DISC1: variants seen among roughly 807,000 people sequenced by gnomAD.
DISC1 encodes the protein DISC1 scaffold protein.
In DISC1, 57 loss-of-function variants were observed where a neutral mutation model predicts 84.5. The ratio of observed to expected loss-of-function variants is 0.67; its 90% CI spans 0.55 to 0.84. The LOEUF (loss-of-function observed/expected upper bound fraction) is 0.84. Among genes scored for constraint, DISC1 ranks in the 40% least tolerant of loss-of-function variants. The probability of loss-of-function intolerance (pLI) is 0.00; values close to 1 mark genes in which losing one functional copy is unlikely to be tolerated. For synonymous variants in DISC1, 411 were observed against 415.2 expected, an observed-to-expected ratio of 0.99 and a Z score of 0.12; for missense variants, 1,000 against 1,057.8, an observed-to-expected ratio of 0.95 and a Z score of 0.76.
chr1:231,666,572 T>C (rs1018563001), intron 1 of DISC1, among the ~76,000 whole-genome samples: 1 of 152,126 alleles, frequency 6.6e-6, no homozygotes, highest in African/African-American at 2.4e-5. Flanking sequence ...TAACAAATAA[T>C]GGTATGATGC....
intron 3 of DISC1, among the ~76,000 whole-genome samples, chr1:231,742,411 T>G (rs1275639173): frequency 1.3e-5 from 2 of 152,108 alleles, no homozygotes; most frequent in Non-Finnish European, 2.9e-5. Context: ...ATTTAGAAAT[T>G]GGAGATCATC....
At chr1:231,762,082 C>CTTTCTCT (rs1435999439) in intron 4 of DISC1, among the ~76,000 whole-genome samples, 1 of 151,788 alleles carries the variant, frequency 6.6e-6, no homozygotes, top group African/African-American at 2.4e-5. Flanking sequence ...ATCTTTTTTT[C>CTTTCTCT]TTTCTCTTTT....
chr1:231,956,121 C>G (rs146762626), intron 9 of DISC1, among the ~76,000 whole-genome samples: 2 of 152,322 alleles, frequency 1.3e-5, no homozygotes, highest in African/African-American at 4.8e-5. Flanking sequence ...GAATGCTACA[C>G]AGAGGCCAAG....
At chr1:231,863,855 G>C (rs2084856704) in intron 9 of DISC1, among the ~76,000 whole-genome samples, 1 of 152,200 alleles carries the variant, frequency 6.6e-6, no homozygotes, top group African/African-American at 2.4e-5. Context: ...GACCAGTGTA[G>C]ATCAGAAGTC....
intron 10 of DISC1, chr1:231,959,131 T>G: frequency 3.3e-6 from 4 of 1,196,770 alleles, no homozygotes; most frequent in South Asian, 2.9e-5. Flanking sequence ...AGGAGAGTTT[T>G]CATGTTCCAT....
At chr1:231,774,034 G>A (rs539963249) in intron 6 of DISC1, among the ~76,000 whole-genome samples, 16 of 152,052 alleles carry the variant, frequency 1.1e-4, no homozygotes, top group African/African-American at 3.6e-4. Flanking sequence ...AGGCCAAGGC[G>A]GGAAGAATGC....
chr1:231,634,016 T>A (rs1345384659), intron 1 of DISC1, among the ~76,000 whole-genome samples: 11 of 151,730 alleles, frequency 7.2e-5, no homozygotes, highest in African/African-American at 2.7e-4. Flanking sequence ...CCCAAGTACC[T>A]GGGATTACAG....
chr1:231,832,365 C>T, intron 9 of DISC1, among the ~76,000 whole-genome samples: 1 of 151,288 alleles, frequency 6.6e-6, no homozygotes, highest in Non-Finnish European at 1.5e-5. Context: ...AGGGTGCGGT[C>T]CTGGCTCTTG....
chr1:231,836,696 AC>A (rs1159648151), intron 9 of DISC1, among the ~76,000 whole-genome samples: 1 of 151,918 alleles, frequency 6.6e-6, no homozygotes, highest in Non-Finnish European at 1.5e-5. Context: ...ACTATCCCCT[AC>A]CCTTATCTAT....
At chr1:231,750,239 G>C in intron 4 of DISC1, 163 bp downstream of exon 4, 3 of 1,431,976 alleles carry the variant, frequency 2.1e-6, no homozygotes, top group Non-Finnish European at 2.7e-6. Flanking sequence ...TCCAGAGTGA[G>C]AGATGGCCCA....
chr1:231,691,243 C>T (rs1421612138), intron 1 of DISC1, among the ~76,000 whole-genome samples: 1 of 151,994 alleles, frequency 6.6e-6, no homozygotes. Context: ...CCAGCCTGGC[C>T]AATATGGTGA....
chr1:231,901,070 G>A (rs2088135929), intron 9 of DISC1, among the ~76,000 whole-genome samples: 1 of 152,058 alleles, frequency 6.6e-6, no homozygotes, highest in Non-Finnish European at 1.5e-5. Context: ...TTTTGGGGGT[G>A]GAATGGTAGA....
Position 231,826,043 on chromosome 1 carries a change from A to C in DISC1, c.1981+7526A>C, listed in dbSNP as rs2081839684. On this transcript the variant is annotated intron_variant, in intron 9 of 12. Coordinates refer to ENST00000439617, the MANE Select transcript of DISC1 (RefSeq NM_018662.3). This position sits in a 1 kb window ranked among gnomAD's most constrained non-coding sequence, Gnocchi z 4.2. ...CGAAGTCACCCTCTTTTTAGTAACAAAGACTTATCTCTTTCTTTTTGTTTC... is the reference window on the plus strand; with the variant it reads ...CGAAGTCACCCTCTTTTTAGTAACACAGACTTATCTCTTTCTTTTTGTTTC... Among the ~76,000 whole-genome samples the C allele has an allele frequency of 1.3e-5, 2 of 152,208 alleles. No individual in the cohort carries two copies. Among genetic ancestry groups the C allele is most frequent in the South Asian group, 4.1e-4 (2 of 4,824 alleles).
chr1:231,724,778 G>T (rs1484285861), intron 3 of DISC1, among the ~76,000 whole-genome samples: 1 of 152,182 alleles, frequency 6.6e-6, no homozygotes, highest in Non-Finnish European at 1.5e-5. Flanking sequence ...TTTGGCGTTT[G>T]GTTGTCAGTG....
chr1:231,652,327 T>C (rs2125296833), intron 1 of DISC1, among the ~76,000 whole-genome samples: 1 of 152,360 alleles, frequency 6.6e-6, no homozygotes, highest in African/African-American at 2.4e-5. Flanking sequence ...ATATTGTTAT[T>C]ATTGTGTTAT....
chr1:231,633,599 T>C (rs1229447312), intron 1 of DISC1, among the ~76,000 whole-genome samples: 1 of 152,184 alleles, frequency 6.6e-6, no homozygotes, highest in Non-Finnish European at 1.5e-5. Flanking sequence ...TTCTTTGCAG[T>C]CATCTGCCCG....
At chr1:231,838,166 G>A (rs1256953946) in intron 9 of DISC1, among the ~76,000 whole-genome samples, 3 of 152,116 alleles carry the variant, frequency 2.0e-5, no homozygotes, top group Non-Finnish European at 2.9e-5. Flanking sequence ...TTAATATTTC[G>A]TACTATTCAG....
intron 1 of DISC1, among the ~76,000 whole-genome samples, chr1:231,652,673 G>A (rs907094213): frequency 8.5e-5 from 13 of 152,206 alleles, no homozygotes; most frequent in African/African-American, 2.4e-4. Context: ...CAACTTTACC[G>A]AAATGGGATT....
intron 9 of DISC1, among the ~76,000 whole-genome samples, chr1:231,913,519 G>A (rs767697103): frequency 2.6e-4 from 39 of 152,252 alleles, no homozygotes; most frequent in Non-Finnish European, 5.0e-4. Flanking sequence ...GAGGTGCCTG[G>A]GCTGCACCAT....
Sources: allele counts gnomAD v4.1 joint callset (sites outside exome capture counted in the v4.1 genomes callset), GRCh38; gene constraint gnomAD v4.1.1; non-coding constraint Gnocchi (gnomAD v3.1); transcripts MANE v1.5; gene names NCBI Gene and HGNC (gene_info 2026-07-23, HGNC 2026-07-21).